The following COMMD1 variants were observed in gnomAD, a reference collection of about 807,000 sequenced individuals.
The protein encoded by COMMD1 is copper metabolism domain containing 1.
A neutral mutation model predicts 17.2 loss-of-function variants in COMMD1; 10 were observed. The observed-to-expected ratio is 0.58, with a 90% CI of 0.36 to 0.99. The LOEUF (loss-of-function observed/expected upper bound fraction) is 0.99. Ranked by LOEUF, COMMD1 falls within the 50% of genes least tolerant of loss-of-function variation. COMMD1 has a pLI of 0.01. For synonymous variants in COMMD1, 97 were observed against 91.6 expected (o/e 1.06, Z -0.34); for missense variants, 270 against 231.8 (o/e 1.17, Z -1.07).
intron 2 of COMMD1, among the ~76,000 whole-genome samples, chr2:62,101,826 G>A (rs1005569584): frequency 2.0e-5 from 3 of 152,092 alleles, no homozygotes; most frequent in African/African-American, 4.8e-5. Flanking sequence ...CAGTGTGCTC[G>A]TCACCTTGGT....
intron 2 of COMMD1, among the ~76,000 whole-genome samples, chr2:62,112,030 G>C (rs1459444879): frequency 6.6e-6 from 1 of 152,222 alleles, no homozygotes; most frequent in East Asian, 1.9e-4. Context: ...AAAATACACA[G>C]ATGTGTTTGA....
intron 2 of COMMD1, among the ~76,000 whole-genome samples, chr2:62,124,373 G>C (rs1672836164): frequency 6.6e-6 from 1 of 152,186 alleles, no homozygotes; most frequent in Non-Finnish European, 1.5e-5. Flanking sequence ...GTTTTGCAGA[G>C]CTGCTGTGAT....
At chr2:62,070,548 TA>T (rs70946779) in intron 2 of COMMD1, among the ~76,000 whole-genome samples, 49 of 131,062 alleles carry the variant, frequency 3.7e-4, no homozygotes, top group Non-Finnish European at 4.6e-4. Flanking sequence ...ACCCTGTCTC[TA>T]AAAAAAAAAA....
intron 1 of COMMD1, among the ~76,000 whole-genome samples, chr2:61,975,332 C>T (rs923410014): frequency 3.3e-5 from 5 of 152,140 alleles, no homozygotes; most frequent in Non-Finnish European, 2.9e-5. Context: ...AAACCACATA[C>T]GTGTTTTTGT....
At chr2:62,018,235 T>C (rs111922039) in intron 2 of COMMD1, among the ~76,000 whole-genome samples, 1 of 152,148 alleles carries the variant, frequency 6.6e-6, no homozygotes, top group African/African-American at 2.4e-5. Context: ...GGAATTAGGG[T>C]AATTTAGGGA....
chr2:62,074,477 G>A (rs1250180441), intron 2 of COMMD1, among the ~76,000 whole-genome samples: 6 of 152,156 alleles, frequency 3.9e-5, no homozygotes, highest in Non-Finnish European at 8.8e-5. Flanking sequence ...AAACACACTC[G>A]TGGTCACTTG....
At chr2:62,001,546 A>G (rs529947138) in intron 2 of COMMD1, among the ~76,000 whole-genome samples, 4 of 152,308 alleles carry the variant, frequency 2.6e-5, no homozygotes, top group East Asian at 3.9e-4. Flanking sequence ...TTTAATGTCT[A>G]TATGGTTTTT....
intron 1 of COMMD1, among the ~76,000 whole-genome samples, chr2:61,984,368 TTCTTAATC>T (rs1441347743): frequency 6.6e-6 from 1 of 152,264 alleles, no homozygotes; most frequent in African/African-American, 2.4e-5. Context: ...TTTAATTTCC[TTCTTAATC>T]TCTTTATTGA....
intron 2 of COMMD1, among the ~76,000 whole-genome samples, chr2:62,081,107 T>G (rs887387589): frequency 6.6e-6 from 1 of 152,176 alleles, no homozygotes; most frequent in African/African-American, 2.4e-5. Context: ...GCAAAAGGTA[T>G]ACATGCATTA....
intron 2 of COMMD1, among the ~76,000 whole-genome samples, chr2:62,108,624 A>AGTCATTTTG (rs965234416): frequency 1.3e-5 from 2 of 152,148 alleles, no homozygotes; most frequent in Non-Finnish European, 2.9e-5. Context: ...GGTGATTAAG[A>AGTCATTTTG]GTCATTTTGC....
At chr2:61,947,480 T>C (rs1451232745) in intron 1 of COMMD1, among the ~76,000 whole-genome samples, 1 of 151,972 alleles carries the variant, frequency 6.6e-6, no homozygotes, top group African/African-American at 2.4e-5. Context: ...GGTCAGGAGT[T>C]TGAGACCAGC....
At chr2:61,892,767 CAA>C (rs1303232736) in intron 1 of COMMD1, among the ~76,000 whole-genome samples, 3 of 151,212 alleles carry the variant, frequency 2.0e-5, no homozygotes, top group African/African-American at 7.3e-5. Flanking sequence ...TACTCCAATT[CAA>C]AGACAGTGTT....
chr2:62,030,692 G>A (rs778554768), intron 2 of COMMD1, among the ~76,000 whole-genome samples: 10 of 151,644 alleles, frequency 6.6e-5, no homozygotes, highest in East Asian at 3.9e-4. Context: ...TGTCATATAC[G>A]GTCTCTTAAT....
chr2:61,936,032 G>T (rs1670599101), intron 1 of COMMD1, among the ~76,000 whole-genome samples: 1 of 152,184 alleles, frequency 6.6e-6, no homozygotes, highest in African/African-American at 2.4e-5. Flanking sequence ...GCCCAGGCTG[G>T]TCTCAAACTC....
intron 2 of COMMD1, among the ~76,000 whole-genome samples, chr2:62,078,287 C>T (rs1320162111): frequency 7.0e-6 from 1 of 142,416 alleles, no homozygotes; most frequent in Non-Finnish European, 1.5e-5. Context: ...GGCACGGTAG[C>T]TCATGCCTGT....
chr2:62,024,907 T>C (rs981835487), intron 2 of COMMD1, among the ~76,000 whole-genome samples: 5 of 152,192 alleles, frequency 3.3e-5, no homozygotes, highest in African/African-American at 1.2e-4. Context: ...AACTAGAATT[T>C]TCCTGTTTCC....
intron 2 of COMMD1, among the ~76,000 whole-genome samples, chr2:62,076,437 G>A (rs1671338586): frequency 1.3e-5 from 2 of 152,064 alleles, no homozygotes; most frequent in African/African-American, 4.8e-5. Context: ...TGGGAAAGAG[G>A]TCAAGTTGAA....
intron 2 of COMMD1, among the ~76,000 whole-genome samples, chr2:62,096,707 T>G (rs370526613): frequency 2.8e-4 from 43 of 152,248 alleles, no homozygotes; most frequent in African/African-American, 9.9e-4. Context: ...TCAGAGTTTA[T>G]TAATAGCCCC....
chr2:62,125,761 CT>C lies in COMMD1; in HGVS notation c.463-10062del, dbSNP rs1433566636. Among the ~76,000 whole-genome samples the C allele has an allele frequency of 3.3e-5, 5 of 152,012 alleles. No individual in the cohort carries two copies. The East Asian group carries it at 9.7e-4, about 29-fold the overall frequency. ...CCAGGACTTTTGATGCAAATTCTCT[CT>C]TTTTTTTAATTTTTATTTTAAGTTC... On this transcript the variant is annotated intron_variant, in intron 2 of 2. Transcript: ENST00000311832.
Sources: gnomAD v4.1 joint callset for allele counts (sites outside exome capture counted in the v4.1 genomes callset) on GRCh38, gnomAD v4.1.1 for gene constraint, MANE v1.5 for transcripts, NCBI Gene and HGNC (gene_info 2026-07-23, HGNC 2026-07-21) for gene names.